FLACC1: variants seen among roughly 807,000 people sequenced by gnomAD.
FLACC1 encodes the protein flagellum associated containing coiled-coil domains 1, also known as flagellum-associated coiled-coil domain-containing protein 1.
In FLACC1, 66 loss-of-function variants were observed where a neutral mutation model predicts 62.8. That is an observed-to-expected ratio of 1.05 (90% CI 0.86 to 1.29). The LOEUF is 1.29. FLACC1 is among the 50% of genes most tolerant of loss of function. FLACC1 has a pLI of 0.00. For synonymous variants in FLACC1, 156 were observed against 161.0 expected, an observed-to-expected ratio of 0.97 and a Z score of 0.24; for missense variants, 452 against 489.1, an observed-to-expected ratio of 0.92 and a Z score of 0.71.
At chr2:201,288,991 A>C (rs1298825478) in intron 14 of FLACC1, among the ~76,000 whole-genome samples, 2 of 152,232 alleles carry the variant, frequency 1.3e-5, no homozygotes, top group East Asian at 3.9e-4. Context: ...CAATGCAATA[A>C]ATAACTTTCT....
chr2:201,301,628 G>A (rs909703400), intron 11 of FLACC1, among the ~76,000 whole-genome samples: 5 of 152,272 alleles, frequency 3.3e-5, no homozygotes, highest in African/African-American at 1.2e-4. Context: ...ACACATAATT[G>A]TCAGATTCAC....
intron 9 of FLACC1, among the ~76,000 whole-genome samples, chr2:201,327,971 C>T (rs956613166): frequency 2.0e-5 from 3 of 152,252 alleles, no homozygotes; most frequent in East Asian, 3.9e-4. Flanking sequence ...TAGACTGCTA[C>T]TCAGTCATTA....
At position 201,310,909 on chromosome 2, in the gene FLACC1, GA is replaced by G. The variant is rs756930455; in HGVS notation, c.676-1660del. Among the ~76,000 whole-genome samples the G allele has an allele frequency of 2.0e-5, 3 of 151,038 alleles. No individual in the cohort carries two copies. In the East Asian group the frequency reaches 5.9e-4, roughly 30 times the overall value. ...ATAGAGTGCTAGCTACATTAGCAAA[GA>G]AAAAAACGACGATCCAAATAAGCAC... On this transcript the variant is annotated intron_variant, in intron 9 of 14. Coordinates refer to ENST00000392257, the MANE Select transcript of FLACC1 (RefSeq NM_001127391.3).
At chr2:201,344,054 TG>T in intron 6 of FLACC1, 115 bp downstream of exon 6, 1 of 826,514 alleles carries the variant, frequency 1.2e-6, no homozygotes, top group Non-Finnish European at 1.9e-6. Context: ...TCCTGTCACC[TG>T]GACAACATGG....
chr2:201,294,674 C>CA (rs1194059285), intron 12 of FLACC1, among the ~76,000 whole-genome samples: 2 of 152,064 alleles, frequency 1.3e-5, no homozygotes, highest in Non-Finnish European at 2.9e-5. Flanking sequence ...CTGGCCAGGG[C>CA]AATGAGGCAG....
intron 12 of FLACC1, among the ~76,000 whole-genome samples, chr2:201,291,939 A>C (rs892126618): frequency 3.9e-5 from 6 of 152,262 alleles, no homozygotes; most frequent in African/African-American, 1.4e-4. Flanking sequence ...ATGGAAGATC[A>C]AATGAATGAA....
intron 12 of FLACC1, among the ~76,000 whole-genome samples, chr2:201,294,652 G>T (rs1028600452): frequency 1.3e-5 from 2 of 152,190 alleles, no homozygotes; most frequent in African/African-American, 2.4e-5. Flanking sequence ...ATTCAACATA[G>T]TGTTGGAAGT....
intron 9 of FLACC1, among the ~76,000 whole-genome samples, chr2:201,311,046 T>C (rs1362366): frequency 0.2 from 30,772 of 151,526 alleles, 3,362 homozygotes; most frequent in South Asian, 0.3. Flanking sequence ...CTAGAGGAAA[T>C]GGATAAATTC....
rs755573270 is a variant in FLACC1, at chr2:201,330,816, T to C, written c.542A>G (p.His181Arg). The change falls in exon 8 of 15, where the codon CAT becomes CGT. Residue 181 changes from histidine to arginine, a missense_variant. By Grantham distance (29) the His-to-Arg change is conservative. This residue lies in a region of FLACC1 where 301 missense variants were observed against 318.4 expected (regional missense o/e 0.95). Coordinates refer to ENST00000392257, the MANE Select transcript of FLACC1 (RefSeq NM_001127391.3). Reference sequence around the variant, plus strand: ...CTCCAACTCACTGAGTTCTGCTTCATGGGCCTCTTTGAGCTCCCTGTGGGA... The same window carrying C: ...CTCCAACTCACTGAGTTCTGCTTCACGGGCCTCTTTGAGCTCCCTGTGGGA... The part of the protein sequence containing the change: ...ENKNRELKEA[H>R]EAELSELENN... 8.1e-6 allele frequency: 13 copies of C among 1,613,434 alleles called. No homozygotes were observed. In the Admixed American group the frequency reaches 1.3e-4, roughly 17 times the overall value.
chr2:201,336,186 C>T (rs1559412417), intron 7 of FLACC1, among the ~76,000 whole-genome samples: 2 of 152,052 alleles, frequency 1.3e-5, no homozygotes, highest in African/African-American at 4.8e-5. Flanking sequence ...TAGGCCCCAC[C>T]GTCTATTGCT....
chr2:201,362,183 A>G (rs145563008), upstream of FLACC1, among the ~76,000 whole-genome samples: 6 of 152,342 alleles, frequency 3.9e-5, no homozygotes, highest in East Asian at 1.2e-3. Context: ...TTGGACTTAA[A>G]CACATCCACT....
At chr2:201,356,429 G>A (rs1262141369) in intron 1 of FLACC1, among the ~76,000 whole-genome samples, 1 of 152,140 alleles carries the variant, frequency 6.6e-6, no homozygotes, top group Non-Finnish European at 1.5e-5. Flanking sequence ...CAAAGTGCTG[G>A]GATTACAGGT....
intron 9 of FLACC1, among the ~76,000 whole-genome samples, chr2:201,310,207 A>G (rs909241578): frequency 1.3e-5 from 2 of 151,954 alleles, no homozygotes; most frequent in Non-Finnish European, 2.9e-5. Flanking sequence ...GACCTATTCT[A>G]TTTACCACTC....
At chr2:201,359,619 C>T (rs997247713), upstream of FLACC1, among the ~76,000 whole-genome samples, 8 of 152,154 alleles carry the variant, frequency 5.3e-5, no homozygotes, top group Non-Finnish European at 8.8e-5. Flanking sequence ...GAAATAGAGT[C>T]TGGAGGCAGT....
Position 201,350,717 on chromosome 2 carries a change from G to A in FLACC1, c.179C>T (p.Ser60Phe), listed in dbSNP as rs766305998. 4 of 1,545,234 alleles carry A rather than the reference G, an allele frequency of 2.6e-6. No individual in the cohort carries two copies. In the South Asian group the frequency reaches 4.5e-5, roughly 17 times the overall value. Residue 60 changes from serine to phenylalanine, a missense_variant, in exon 3 of 15, where the codon TCC (serine) becomes TTC (phenylalanine). Physicochemically the swap from Ser to Phe is radical, Grantham distance 155. Transcript: ENST00000392257. ...AAAACAAAACAATACTTACTTTGGG[G>A]AAACAACAGGTTTTGTTGGTTGGAG... is the stretch of plus-strand genomic sequence containing the variant. The part of the protein sequence containing the change: ...NYLQPTKPVV[S>F]PKMKIHSARQ...
At position 201,288,641 on chromosome 2, in the gene FLACC1, G is replaced by A. The variant is rs1949644373; in HGVS notation, c.*14C>T. ...TGTGCCAACCATCTTCAACAATGCA[G>A]AGCAACTTTTTGTTTATGATTCTTG... On this transcript the variant is annotated 3_prime_UTR_variant, in exon 15 of 15. Coordinates refer to ENST00000392257, the MANE Select transcript of FLACC1 (RefSeq NM_001127391.3). The A allele has an allele frequency of 6.2e-7, 1 of 1,612,976 alleles. No homozygotes were observed. Among genetic ancestry groups the A allele is most frequent in the Admixed American group, 1.7e-5 (1 of 59,910 alleles).
At position 201,288,749 on chromosome 2, in the gene FLACC1, C is replaced by T. The variant is rs778725332; in HGVS notation, c.1175G>A (p.Cys392Tyr). 1 of 1,613,926 alleles carries T rather than the reference C, an allele frequency of 6.2e-7. No individual in the cohort carries two copies. Among genetic ancestry groups the T allele is most frequent in the South Asian group, 1.1e-5 (1 of 91,082 alleles). ...GGCCAATCTCCCAGAACATCCTTCACAAATTTCTTCATTCTTAGAAATTAT... is the reference window on the plus strand; with the variant it reads ...GGCCAATCTCCCAGAACATCCTTCATAAATTTCTTCATTCTTAGAAATTAT... ...QKIISKNEEI[C>Y]EGCSGRLASI... Residue 392 changes from cysteine to tyrosine, a missense_variant, in exon 15 of 15, where the codon TGT becomes TAT. Coordinates refer to ENST00000392257, the MANE Select transcript of FLACC1 (RefSeq NM_001127391.3).
In FLACC1 at chr2:201,346,203, CTT is replaced by C. The variant is rs1234712584; in HGVS notation, c.368+337_368+338del. Reference sequence around the variant, plus strand: ...CACTCCAGCCACCCAGAAACCCTCACTTTACTTAATTTGCATGCCTCAAATTC... The same window carrying C: ...CACTCCAGCCACCCAGAAACCCTCACTACTTAATTTGCATGCCTCAAATTC... On this transcript the variant is annotated intron_variant, in intron 5 of 14. Coordinates refer to ENST00000392257, the MANE Select transcript of FLACC1 (RefSeq NM_001127391.3). This position sits in a 1 kb window ranked among gnomAD's most constrained non-coding sequence, Gnocchi z 4.0. Among the ~76,000 whole-genome samples, 1 of 152,276 alleles carries C rather than the reference CTT, an allele frequency of 6.6e-6. No homozygotes were observed. Among genetic ancestry groups the C allele is most frequent in the East Asian group, 1.9e-4 (1 of 5,182 alleles).
At chr2:201,332,259 T>C (rs1433091538) in intron 7 of FLACC1, among the ~76,000 whole-genome samples, 1 of 152,120 alleles carries the variant, frequency 6.6e-6, no homozygotes, top group Non-Finnish European at 1.5e-5. Context: ...TTTTCTTTTT[T>C]TTTTTCAGAC....
Sources: gnomAD v4.1 joint callset for allele counts (sites outside exome capture counted in the v4.1 genomes callset) on GRCh38, gnomAD v4.1.1 for gene constraint, gnomAD v4.1.1 regional missense constraint, Gnocchi (gnomAD v3.1) non-coding constraint, MANE v1.5 for transcripts, NCBI Gene and HGNC (gene_info 2026-07-23, HGNC 2026-07-21) for gene names.